The following DNAI7 variants were observed in gnomAD, a reference collection of about 807,000 sequenced individuals.
DNAI7 encodes dynein axonemal intermediate chain 7.
A neutral mutation model predicts 86.6 loss-of-function variants in DNAI7; 78 were observed. The observed-to-expected ratio is 0.90, with a 90% CI of 0.75 to 1.09. The LOEUF is 1.09. Among genes scored for constraint, DNAI7 ranks in the 50% least tolerant of loss-of-function variants. The pLI is 0.00. For synonymous variants in DNAI7, 274 were observed against 273.0 expected (o/e 1.00, Z -0.04); for missense variants, 753 against 810.2 (o/e 0.93, Z 0.86).
intron 2 of DNAI7, among the ~76,000 whole-genome samples, chr12:25,182,961 GGGA>G (rs1468603725): frequency 2.3e-4 from 35 of 150,500 alleles, no homozygotes; most frequent in South Asian, 1.5e-3. Flanking sequence ...AAGGGAGGAA[GGGA>G]GGAAGGGAGG....
chr12:25,107,275 T>G (rs1312418350), downstream of DNAI7, among the ~76,000 whole-genome samples: 2 of 152,208 alleles, frequency 1.3e-5, no homozygotes, highest in African/African-American at 4.8e-5. Context: ...TTATATTCTA[T>G]TTTATGTTAG....
rs1938905796 is a variant in DNAI7, at chr12:25,111,887, G to C, written c.1664C>G (p.Ser555Cys). The C allele has an allele frequency of 6.2e-7, 1 of 1,606,302 alleles. No homozygotes were observed. The highest frequency in any genetic ancestry group is 8.5e-7 in the Non-Finnish European group (1 of 1,176,166). Residue 555 changes from serine (S) to cysteine (C), a missense_variant, in exon 14 of 16, where the codon TCT (serine) becomes TGT (cysteine). Coordinates refer to ENST00000395987, the MANE Select transcript of DNAI7 (RefSeq NM_018272.5). ...SIKLKDKKHI[S>C]ILEGTWMTPI... ...AGTCATCCAGGTTCCTTCCAAAATA[G>C]AGATGTGTTTCTTGTCTTTTAGTTT...
chr12:25,125,796 G>C (rs1190520939), intron 9 of DNAI7, among the ~76,000 whole-genome samples: 2 of 152,158 alleles, frequency 1.3e-5, no homozygotes, highest in African/African-American at 4.8e-5. Flanking sequence ...AACAGTATAA[G>C]AAAGAGGTAC....
chr12:25,148,691 T>C (rs1284236402), intron 7 of DNAI7, among the ~76,000 whole-genome samples: 6 of 152,234 alleles, frequency 3.9e-5, no homozygotes, highest in Admixed American at 2.0e-4. Context: ...TAAATTTTTA[T>C]TTATTCAATT....
intron 9 of DNAI7, among the ~76,000 whole-genome samples, chr12:25,126,239 G>A (rs1240145003): frequency 1.3e-5 from 2 of 152,146 alleles, no homozygotes; most frequent in Non-Finnish European, 2.9e-5. Context: ...AGGCTGGAGA[G>A]ATGCAGGGGC....
chr12:25,184,873 C>T (rs1272238951), intron 2 of DNAI7, among the ~76,000 whole-genome samples: 1 of 151,520 alleles, frequency 6.6e-6, no homozygotes, highest in African/African-American at 2.4e-5. Flanking sequence ...TGACTCATGC[C>T]TGCAATTCCA....
intron 1 of DNAI7, among the ~76,000 whole-genome samples, chr12:25,193,608 T>C (rs998496615): frequency 6.6e-6 from 1 of 152,190 alleles, no homozygotes; most frequent in African/African-American, 2.4e-5. Context: ...AATCTGCATT[T>C]TTAACAAGTA....
At chr12:25,113,323 A>G in intron 13 of DNAI7, among the ~76,000 whole-genome samples, 1 of 151,084 alleles carries the variant, frequency 6.6e-6, no homozygotes, top group East Asian at 1.9e-4. Context: ...TGTTTTTGAG[A>G]TGGAGTCTTG....
intron 11 of DNAI7, among the ~76,000 whole-genome samples, chr12:25,120,350 G>A (rs1292538091): frequency 3.3e-5 from 5 of 149,492 alleles, no homozygotes; most frequent in African/African-American, 9.9e-5. Flanking sequence ...GAGGAAGGAA[G>A]GGGCAGCCTA....
intron 13 of DNAI7, among the ~76,000 whole-genome samples, chr12:25,112,665 T>C (rs1038557729): frequency 1.5e-4 from 23 of 152,064 alleles, no homozygotes; most frequent in East Asian, 1.4e-3. Context: ...CTCGGCCTCC[T>C]AAAGCGCTGG....
chr12:25,189,217 A>G (rs1010690612), intron 2 of DNAI7, among the ~76,000 whole-genome samples: 2 of 152,220 alleles, frequency 1.3e-5, no homozygotes, highest in African/African-American at 4.8e-5. Context: ...TGTGCCAGGC[A>G]CTGTGCTAAA....
In DNAI7 at chr12:25,155,345, T is replaced by A; in HGVS notation, c.266A>T (p.Glu89Val). ...CAATTTAGTTTCCTGTTTCAATTTCTCTGCTTCAGGAAAACACCTCTCTAA... is the reference window on the plus strand; with the variant it reads ...CAATTTAGTTTCCTGTTTCAATTTCACTGCTTCAGGAAAACACCTCTCTAA... ...YLLERCFPEA[E>V]KLKQETKLLS... Residue 89 changes from glutamate (E) to valine (V), a missense_variant, in exon 5 of 16, where the codon GAG becomes GTG. Transcript: ENST00000395987. 3 of 1,606,082 alleles carry A rather than the reference T, an allele frequency of 1.9e-6. No homozygotes were observed. The highest frequency in any genetic ancestry group is 1.7e-6 in the Non-Finnish European group (2 of 1,175,224).
chr12:25,134,594 T>TGACC (rs1179178504), intron 9 of DNAI7, among the ~76,000 whole-genome samples: 1 of 152,022 alleles, frequency 6.6e-6, no homozygotes, highest in Non-Finnish European at 1.5e-5. Flanking sequence ...TGACCTCAGG[T>TGACC]GACCCACCTG....
intron 9 of DNAI7, among the ~76,000 whole-genome samples, chr12:25,129,989 C>T (rs1408448503): frequency 5.9e-5 from 9 of 151,614 alleles, no homozygotes; most frequent in Admixed American, 2.6e-4. Flanking sequence ...CTCAAACTCC[C>T]GATCTCAGGT....
intron 11 of DNAI7, among the ~76,000 whole-genome samples, chr12:25,120,091 C>T (rs936529202): frequency 6.6e-6 from 1 of 152,124 alleles, no homozygotes; most frequent in Non-Finnish European, 1.5e-5. Flanking sequence ...TTCTTGAAAA[C>T]CCCAGCTCAG....
chr12:25,194,699 T>A (rs553446513), intron 1 of DNAI7, among the ~76,000 whole-genome samples: 1 of 152,368 alleles, frequency 6.6e-6, no homozygotes, highest in East Asian at 1.9e-4. Context: ...TAGCTTTTAA[T>A]TAACTGCTGG....
chr12:25,142,372 A>T (rs1395194588), intron 9 of DNAI7, among the ~76,000 whole-genome samples: 1 of 152,164 alleles, frequency 6.6e-6, no homozygotes, highest in Admixed American at 6.5e-5. Context: ...ATGAGGGATA[A>T]AAGACTACAC....
At chr12:25,169,855 A>G (rs1242501626) in intron 2 of DNAI7, among the ~76,000 whole-genome samples, 1 of 140,208 alleles carries the variant, frequency 7.1e-6, no homozygotes, top group Non-Finnish European at 1.5e-5. Context: ...CTCAAAAAAA[A>G]AAAAAAAAAG....
At chr12:25,137,706 C>T (rs1457049216) in intron 9 of DNAI7, among the ~76,000 whole-genome samples, 2 of 152,158 alleles carry the variant, frequency 1.3e-5, no homozygotes, top group Non-Finnish European at 2.9e-5. Flanking sequence ...AAAGACATTC[C>T]ATGCAAATGG....
Sources: gnomAD v4.1 joint callset for allele counts (sites outside exome capture counted in the v4.1 genomes callset) on GRCh38, gnomAD v4.1.1 for gene constraint, MANE v1.5 for transcripts, NCBI Gene and HGNC (gene_info 2026-07-23, HGNC 2026-07-21) for gene names.